Variants in FARP1 observed in about 807,000 individuals in gnomAD.
FARP1 encodes the protein FERM, ARH/RhoGEF and pleckstrin domain protein 1.
FARP1 carries 52 observed loss-of-function variants against 128.8 expected under a neutral mutation model. The ratio of observed to expected loss-of-function variants is 0.40; its 90% CI spans 0.32 to 0.51. The LOEUF (loss-of-function observed/expected upper bound fraction) is 0.51, where lower values mean the gene tolerates loss of function less well. FARP1 is among the 20% of genes least tolerant of loss of function. The pLI, the probability that FARP1 is intolerant of heterozygous loss-of-function variation, is 0.45. For synonymous variants in FARP1, 580 were observed against 551.8 expected, an observed-to-expected ratio of 1.05 and a Z score of -0.72; for missense variants, 1,333 against 1,367.9, an observed-to-expected ratio of 0.97 and a Z score of 0.40.
chr13:98,211,512 C>T (rs1247262044), intron 1 of FARP1, among the ~76,000 whole-genome samples: 1 of 152,242 alleles, frequency 6.6e-6, no homozygotes, highest in African/African-American at 2.4e-5. Flanking sequence ...GACCGCTGCT[C>T]TAGCACCTGA....
intron 2 of FARP1, among the ~76,000 whole-genome samples, chr13:98,280,373 T>G (rs1474271667): frequency 2.0e-5 from 3 of 151,940 alleles, no homozygotes; most frequent in Admixed American, 6.5e-5. Context: ...CCTCGGCGGC[T>G]GCTCTCATGC....
Position 98,163,742 on chromosome 13 carries a change from CTT to C in FARP1, c.-24+20251_-24+20252del, listed in dbSNP as rs1384734798. Among the ~76,000 whole-genome samples the C allele has an allele frequency of 5.4e-5, 8 of 148,142 alleles. No individual in the cohort carries two copies. The East Asian group carries it at 1.0e-3, about 18-fold the overall frequency. On this transcript the variant is annotated intron_variant, in intron 1 of 26. Coordinates refer to ENST00000319562, the MANE Select transcript of FARP1 (RefSeq NM_005766.4). ...TTTTTTTTTGAGACGGAGTTTCGCT[CTT>C]GTCGCCCAGGCTGGAGTGCAGTGGC...
intron 2 of FARP1, among the ~76,000 whole-genome samples, chr13:98,303,159 A>G (rs187565511): frequency 1.2e-3 from 185 of 152,356 alleles, no homozygotes; most frequent in African/African-American, 4.2e-3. Context: ...GTTTGAAGCC[A>G]TTTATGTGAA....
At chr13:98,226,573 T>C (rs1881786328) in intron 2 of FARP1, among the ~76,000 whole-genome samples, 1 of 152,180 alleles carries the variant, frequency 6.6e-6, no homozygotes. Flanking sequence ...AAAATGGCTG[T>C]GCTGTTGACT....
chr13:98,259,586 A>G (rs373374603), intron 2 of FARP1, among the ~76,000 whole-genome samples: 1 of 152,190 alleles, frequency 6.6e-6, no homozygotes, highest in Non-Finnish European at 1.5e-5. Flanking sequence ...CCATCTTCAC[A>G]GAGGCTTACA....
Position 98,176,523 on chromosome 13 carries a change from G to A in FARP1, c.-24+33031G>A, listed in dbSNP as rs548321071. On this transcript the variant is annotated intron_variant, in intron 1 of 26. Coordinates refer to ENST00000319562, the MANE Select transcript of FARP1 (RefSeq NM_005766.4). This position sits in a 1 kb window ranked among gnomAD's most constrained non-coding sequence, Gnocchi z 6.2. ...TTCCCACTTCATGGTTTTCGTCCTC[G>A]CAGATACAGTAGCGACCCTCTTCAA... is the stretch of plus-strand genomic sequence containing the variant. The A allele has an allele frequency of 8.1e-6, 13 of 1,614,054 alleles. No individual in the cohort carries two copies. In the African/African-American group the frequency reaches 1.1e-4, roughly 13 times the overall value.
At chr13:98,390,703 C>G (rs866738379) in intron 10 of FARP1, 109 bp from the exon 11 acceptor site, 2 of 827,772 alleles carry the variant, frequency 2.4e-6, no homozygotes, top group East Asian at 2.5e-5. Context: ...AACCCTGCAT[C>G]TCTCCCAGTT....
At chr13:98,341,156 AG>A (rs1887957783) in intron 2 of FARP1, 1 of 150,220 alleles carries the variant, frequency 6.7e-6, no homozygotes, top group Non-Finnish European at 1.5e-5. Context: ...AAAAAAAAAA[AG>A]TACTTAATGT....
intron 2 of FARP1, among the ~76,000 whole-genome samples, chr13:98,337,343 G>A (rs1887786702): frequency 6.6e-6 from 1 of 152,128 alleles, no homozygotes; most frequent in Non-Finnish European, 1.5e-5. Flanking sequence ...CTGCACTCCA[G>A]CCAAGGCGAC....
intron 24 of FARP1, chr13:98,445,402 G>A (rs1338301229): frequency 1.3e-5 from 2 of 152,228 alleles, no homozygotes; most frequent in African/African-American, 2.4e-5. Flanking sequence ...ATGGACACAG[G>A]TGCCTGTCCC....
In FARP1 at chr13:98,448,089, C is replaced by T; in HGVS notation, c.3057-147C>T. On this transcript the variant is annotated intron_variant, in intron 26 of 26. Coordinates refer to ENST00000319562, the MANE Select transcript of FARP1 (RefSeq NM_005766.4). The stretch of plus-strand genomic sequence containing the variant: ...ACTGTACCTCAGGAACGCCTGGGTG[C>T]TGGCTGTTCCCTTGCTCTTCTGCTG... 1.2e-5 allele frequency: 8 copies of T among 684,298 alleles called. No homozygotes were observed. In the South Asian group the frequency reaches 1.4e-4, roughly 12 times the overall value. 42.4% of individuals were successfully genotyped at this position (684,298 alleles called of 1,614,324 possible). A position where few individuals can be genotyped will look rare whatever the true frequency, so the allele number is the denominator to read the frequency against.
chr13:98,372,081 C>CTTTTTTTTTTTTTTTTTTTTT (rs56838920), intron 5 of FARP1, among the ~76,000 whole-genome samples: 1 of 92,340 alleles, frequency 1.1e-5, no homozygotes, highest in Non-Finnish European at 2.0e-5. Context: ...CCCAGTTTTT[C>CTTTTTTTTTTTTTTTTTTTTT]TTTTTTTTTT....
chr13:98,207,160 C>T (rs943576925), intron 1 of FARP1, among the ~76,000 whole-genome samples: 3 of 152,120 alleles, frequency 2.0e-5, no homozygotes, highest in Admixed American at 2.0e-4. Context: ...ATTAAACAGA[C>T]TTTTCCATGT....
intron 26 of FARP1, chr13:98,447,283 C>T (rs1892907422): frequency 6.5e-6 from 1 of 154,604 alleles, no homozygotes; most frequent in South Asian, 2.0e-4. Context: ...GCTGAGCCCT[C>T]CTCGCCCCGG....
chr13:98,192,747 T>C (rs1388114886), intron 1 of FARP1, among the ~76,000 whole-genome samples: 5 of 152,144 alleles, frequency 3.3e-5, no homozygotes, highest in Non-Finnish European at 7.4e-5. Flanking sequence ...TGGGCCATTT[T>C]AAGAAAAATT....
chr13:98,288,968 CTT>C (rs5806054), intron 2 of FARP1, among the ~76,000 whole-genome samples: 21,681 of 134,612 alleles, frequency 0.16, 1,531 homozygotes, highest in East Asian at 0.25. Flanking sequence ...GTTCCTATGG[CTT>C]TTTTTTTTTT....
Position 98,449,494 on chromosome 13 carries a change from A to C in FARP1, c.*1177A>C, listed in dbSNP as rs1243585684. 2.0e-5 allele frequency: 3 copies of C among 152,180 alleles called. No homozygotes were observed. The highest frequency in any genetic ancestry group is 7.3e-5 in the African/African-American group (3 of 41,332). The allele number at this position is 152,180 out of a possible 1,614,324, so 9.4% of individuals were successfully genotyped here. On this transcript the variant is annotated 3_prime_UTR_variant, in exon 27 of 27. Coordinates refer to ENST00000319562, the MANE Select transcript of FARP1 (RefSeq NM_005766.4). The stretch of plus-strand genomic sequence containing the variant: ...GTTTTCCTAAGCCCTTTCTAACGAG[A>C]GTCTCAAACAAGCGGAGGCGAGGGC...
chr13:98,411,760 C>G (rs1457953936), intron 15 of FARP1, 141 bp from the exon 16 acceptor site: 15 of 833,586 alleles, frequency 1.8e-5, no homozygotes, highest in Non-Finnish European at 2.7e-5. Context: ...CGGGCAGCCC[C>G]GTGTTCCTGA....
chr13:98,360,997 C>T (rs893185448), intron 3 of FARP1, among the ~76,000 whole-genome samples: 26 of 152,154 alleles, frequency 1.7e-4, no homozygotes, highest in African/African-American at 5.3e-4. Flanking sequence ...GCTTAGGATG[C>T]GGGAAAAAGT....
Sources: gnomAD v4.1 joint callset for allele counts (sites outside exome capture counted in the v4.1 genomes callset) on GRCh38, gnomAD v4.1.1 for gene constraint, Gnocchi (gnomAD v3.1) non-coding constraint, MANE v1.5 for transcripts, NCBI Gene and HGNC (gene_info 2026-07-23, HGNC 2026-07-21) for gene names.